The following LCA5 variants were observed in gnomAD, a reference collection of about 807,000 sequenced individuals.
The protein encoded by LCA5 is lebercilin LCA5.
LCA5 carries 37 observed loss-of-function variants against 53.0 expected under a neutral mutation model. That is an observed-to-expected ratio of 0.70 (90% CI 0.54 to 0.92). The LOEUF (loss-of-function observed/expected upper bound fraction) is 0.92, where lower values mean the gene tolerates loss of function less well. LCA5 is among the 40% of genes least tolerant of loss of function. The pLI is 0.00. For missense variants in LCA5, 806 were observed against 790.5 expected, an observed-to-expected ratio of 1.02 and a Z score of -0.23; for synonymous variants, 303 against 282.9, an observed-to-expected ratio of 1.07 and a Z score of -0.71.
intron 1 of LCA5, among the ~76,000 whole-genome samples, chr6:79,534,878 C>G (rs187504687): frequency 2.0e-4 from 30 of 152,218 alleles, no homozygotes; most frequent in South Asian, 6.2e-4. Flanking sequence ...AAATACTTTA[C>G]AACTGTGCTG....
chr6:79,487,086 C>A lies in LCA5; in HGVS notation c.2012G>T (p.Arg671Leu), dbSNP rs761494084. 2 of 1,613,830 alleles carry A rather than the reference C, an allele frequency of 1.2e-6. No homozygotes were observed. Among genetic ancestry groups the A allele is most frequent in the African/African-American group, 1.3e-5 (1 of 75,006 alleles). The change falls in exon 8 of 8, where the codon CGA becomes CTA. Residue 671 changes from arginine (R) to leucine (L), a missense_variant. Transcript: ENST00000369846. ...EGRSFNPNRH[R>L]LKHADDKPAV... ...TGGTTTATCGTCTGCATGTTTTAAT[C>A]GGTGCCTATTTGGATTAAAACTTCT...
At chr6:79,528,649 G>C (rs941023380) in intron 1 of LCA5, among the ~76,000 whole-genome samples, 3 of 152,124 alleles carry the variant, frequency 2.0e-5, no homozygotes, top group Admixed American at 6.5e-5. Flanking sequence ...CCAAATACTT[G>C]CTAGGTTTAC....
At chr6:79,524,703 G>GTTATCTTT (rs1417596502) in intron 1 of LCA5, among the ~76,000 whole-genome samples, 12 of 152,062 alleles carry the variant, frequency 7.9e-5, no homozygotes, top group African/African-American at 2.7e-4. Context: ...TCCTTTATAG[G>GTTATCTTT]TTATCTTTTT....
Position 79,487,451 on chromosome 6 carries a change from A to G in LCA5, c.1647T>C (p.Asn549=). ...GCACGTAGCTACCAAATGCGAACTC[A>G]TTAGGGGAGGCTGGACTTCTAACAT... ...SGNVRSPASP[N]EFAFGSYVPS... Residue 549 remains asparagine (N), a synonymous_variant, in exon 8 of 8, where the codon AAT becomes AAC. Coordinates refer to ENST00000369846, the MANE Select transcript of LCA5 (RefSeq NM_001122769.3). 2 of 1,614,048 alleles carry G rather than the reference A, an allele frequency of 1.2e-6. No homozygotes were observed. Among genetic ancestry groups the G allele is most frequent in the Non-Finnish European group, 1.7e-6 (2 of 1,179,930 alleles).
chr6:79,487,748 A>G lies in LCA5; in HGVS notation c.1350T>C (p.Asn450=). The part of the protein sequence containing the change: ...RYQLGMYPIQ[N]MDKLQGEEEE... ...CTTCCTCTCCTTGCAATTTATCCAT[A>G]TTCTGAATTGGATACATTCCTAGTT... is the stretch of plus-strand genomic sequence containing the variant. The change falls in exon 8 of 8, where the codon AAT becomes AAC. Residue 450 remains asparagine (N), a synonymous_variant. Coordinates refer to ENST00000369846, the MANE Select transcript of LCA5 (RefSeq NM_001122769.3). 1 of 1,613,722 alleles carries G rather than the reference A, an allele frequency of 6.2e-7. No individual in the cohort carries two copies. The highest frequency in any genetic ancestry group is 8.5e-7 in the Non-Finnish European group (1 of 1,179,740).
intron 1 of LCA5, among the ~76,000 whole-genome samples, chr6:79,533,349 G>A (rs560847185): frequency 6.8e-4 from 104 of 152,104 alleles, no homozygotes; most frequent in Non-Finnish European, 8.1e-4. Context: ...GCAGGAGGAG[G>A]GGGGAGCGAG....
At chr6:79,531,609 A>C (rs1278694639) in intron 1 of LCA5, among the ~76,000 whole-genome samples, 1 of 152,102 alleles carries the variant, frequency 6.6e-6, no homozygotes, top group Non-Finnish European at 1.5e-5. Context: ...TCACCTTCCC[A>C]AATCCATCAG....
At chr6:79,502,288 T>C (rs923471604) in intron 3 of LCA5, among the ~76,000 whole-genome samples, 2 of 152,196 alleles carry the variant, frequency 1.3e-5, no homozygotes, top group African/African-American at 4.8e-5. Context: ...ATCTATGTCT[T>C]ACTATTTCTT....
At position 79,509,435 on chromosome 6, in the gene LCA5, C is replaced by CA. The variant is rs71697776; in HGVS notation, c.720+3776dup. Among the ~76,000 whole-genome samples, 790 of 131,798 alleles carry CA rather than the reference C, an allele frequency of 6.0e-3. 9 individuals carry two copies. Among genetic ancestry groups the CA allele is most frequent in the African/African-American group, 0.022 (753 of 34,714 alleles). 86.5% of individuals were successfully genotyped at this position (131,798 alleles called of 152,430 possible). ...TGTCACTGCACTCCAGCCTGGGCGA[C>CA]AGAGTGAGACTCCGTCTCAAAAAAA... On this transcript the variant is annotated intron_variant, in intron 3 of 7. Transcript: ENST00000369846.
chr6:79,530,234 T>A (rs1188248967), intron 1 of LCA5, among the ~76,000 whole-genome samples: 1 of 152,066 alleles, frequency 6.6e-6, no homozygotes, highest in Non-Finnish European at 1.5e-5. Flanking sequence ...TTAAGAAAGA[T>A]TATCCTTAGC....
At chr6:79,489,280 C>T (rs1042399764) in intron 6 of LCA5, 64 bp from the exon 7 acceptor site, 30 of 1,493,038 alleles carry the variant, frequency 2.0e-5, no homozygotes, top group Non-Finnish European at 5.5e-6. Flanking sequence ...CTAAGCAACA[C>T]AGATTTATCC....
chr6:79,487,953 T>C (rs1408299406), intron 7 of LCA5, 87 bp from the exon 8 acceptor site: 3 of 1,013,194 alleles, frequency 3.0e-6, no homozygotes, highest in Non-Finnish European at 4.4e-6. Flanking sequence ...AAAACCACCA[T>C]ATTTAATTTG....
chr6:79,538,018 GTTTTTTTTTTTTT>G (rs869197362), upstream of LCA5, among the ~76,000 whole-genome samples: 7,935 of 44,056 alleles, frequency 0.18, 542 homozygotes, highest in Non-Finnish European at 0.21. Flanking sequence ...TTGCACACAA[GTTTTTTTTTTTTT>G]TTTTTTTTTT....
chr6:79,513,096 A>G, intron 3 of LCA5, 116 bp downstream of exon 3: 1 of 1,022,930 alleles, frequency 9.8e-7, no homozygotes, highest in Non-Finnish European at 1.5e-6. Flanking sequence ...AGTACTAAAA[A>G]TAGTTTTCAT....
chr6:79,533,124 A>C (rs1767005181), intron 1 of LCA5, among the ~76,000 whole-genome samples: 1 of 152,186 alleles, frequency 6.6e-6, no homozygotes, highest in African/African-American at 2.4e-5. Context: ...CTGAGAACCT[A>C]ATAAGGTTTC....
At chr6:79,537,579 A>T (rs1001315730), upstream of LCA5, 1 of 152,258 alleles carries the variant, frequency 6.6e-6, no homozygotes, top group African/African-American at 2.4e-5. Context: ...CGACCGCTCT[A>T]GCTGTAGCGG....
chr6:79,508,406 C>A (rs561346467), intron 3 of LCA5, among the ~76,000 whole-genome samples: 1 of 152,276 alleles, frequency 6.6e-6, no homozygotes, highest in South Asian at 2.1e-4. Flanking sequence ...AACTTACAGG[C>A]TGATGTCCTG....
intron 3 of LCA5, among the ~76,000 whole-genome samples, chr6:79,511,057 CA>C (rs201506875): frequency 1.3e-4 from 18 of 143,108 alleles, no homozygotes; most frequent in East Asian, 2.0e-4. Flanking sequence ...GAAAAAAATA[CA>C]AAAAAAAAAG....
intron 3 of LCA5, among the ~76,000 whole-genome samples, chr6:79,496,418 C>A (rs1047696964): frequency 2.1e-4 from 32 of 152,206 alleles, no homozygotes; most frequent in African/African-American, 7.5e-4. Flanking sequence ...TGGAAACAAT[C>A]CAAATGTCCA....
Sources: gnomAD v4.1 joint callset for allele counts (sites outside exome capture counted in the v4.1 genomes callset) on GRCh38, gnomAD v4.1.1 for gene constraint, MANE v1.5 for transcripts, NCBI Gene and HGNC (gene_info 2026-07-23, HGNC 2026-07-21) for gene names.